The following DNM3 variants were observed in gnomAD, a reference collection of about 807,000 sequenced individuals.
The protein encoded by DNM3 is dynamin-3.
DNM3 carries 47 observed loss-of-function variants against 101.6 expected under a neutral mutation model. The observed-to-expected ratio is 0.46, with a 90% CI of 0.37 to 0.59. DNM3 has a LOEUF of 0.59. Ranked by LOEUF, DNM3 falls within the 20% of genes least tolerant of loss-of-function variation. The pLI, the probability that DNM3 is intolerant of heterozygous loss-of-function variation, is 0.00. For synonymous variants in DNM3, 385 were observed against 387.9 expected (o/e 0.99, Z 0.09); for missense variants, 849 against 1,085.7 (o/e 0.78, Z 3.06).
At chr1:171,987,949 A>C in intron 3 of DNM3, 144 bp downstream of exon 3, 1 of 720,058 alleles carries the variant, frequency 1.4e-6, no homozygotes, top group Non-Finnish European at 2.0e-6. Flanking sequence ...TTATGGTTCA[A>C]AGAGCTCTTA....
chr1:172,070,309 C>T (rs1386073478), intron 11 of DNM3, among the ~76,000 whole-genome samples: 1 of 152,116 alleles, frequency 6.6e-6, no homozygotes, highest in African/African-American at 2.4e-5. Context: ...CAGAGGTTCT[C>T]CCTAATGTCT....
chr1:172,199,638 A>C (rs1010454972), intron 14 of DNM3, among the ~76,000 whole-genome samples: 1 of 151,888 alleles, frequency 6.6e-6, no homozygotes, highest in Non-Finnish European at 1.5e-5. Flanking sequence ...GTTGAATTGA[A>C]TCCTTCACCA....
In DNM3 at chr1:172,410,850, T is replaced by C. The variant is rs1006250673; in HGVS notation, c.*3009T>C. On this transcript the variant is annotated 3_prime_UTR_variant, in exon 21 of 21. Coordinates refer to ENST00000627582, the MANE Select transcript of DNM3 (RefSeq NM_015569.5). ...AATTTTGTGACTTTTTAGTATAGAC[T>C]GTAGCCATAATTCTCAAATATGAAA... is the stretch of plus-strand genomic sequence containing the variant. 2 of 985,218 alleles carry C rather than the reference T, an allele frequency of 2.0e-6. No individual in the cohort carries two copies. Among genetic ancestry groups the C allele is most frequent in the Non-Finnish European group, 2.4e-6 (2 of 829,834 alleles). 61.0% of individuals were successfully genotyped at this position (985,218 alleles called of 1,614,324 possible).
chr1:172,078,066 GTC>G (rs1191711208), intron 11 of DNM3, among the ~76,000 whole-genome samples: 1 of 151,908 alleles, frequency 6.6e-6, no homozygotes, highest in Admixed American at 6.6e-5. Context: ...TACCTTCTTT[GTC>G]TTTTTGGGTC....
chr1:171,957,228 C>T (rs1408408422), intron 2 of DNM3, among the ~76,000 whole-genome samples: 3 of 142,736 alleles, frequency 2.1e-5, no homozygotes, highest in African/African-American at 2.6e-5. Flanking sequence ...GACGGAGTCT[C>T]GCACTGTCAC....
chr1:172,299,122 C>G (rs976318554), intron 15 of DNM3, among the ~76,000 whole-genome samples: 2 of 152,128 alleles, frequency 1.3e-5, no homozygotes, highest in African/African-American at 4.8e-5. Context: ...GGAAAGACAG[C>G]TGCAGGCAGA....
At chr1:171,845,212 A>G (rs1004887708) in intron 1 of DNM3, among the ~76,000 whole-genome samples, 2 of 152,172 alleles carry the variant, frequency 1.3e-5, no homozygotes, top group African/African-American at 4.8e-5. Context: ...TCTGATAAAT[A>G]CTTTTAACTT....
chr1:172,072,084 G>C (rs780709974), intron 11 of DNM3, among the ~76,000 whole-genome samples: 1 of 152,114 alleles, frequency 6.6e-6, no homozygotes, highest in Non-Finnish European at 1.5e-5. Flanking sequence ...CTTTGGCAAT[G>C]TTGAGAATTA....
intron 17 of DNM3, among the ~76,000 whole-genome samples, chr1:172,363,834 A>G (rs899463609): frequency 1.3e-5 from 2 of 151,732 alleles, no homozygotes; most frequent in African/African-American, 4.8e-5. Context: ...TATTTTCCCT[A>G]ACACATCAAA....
chr1:172,412,478 A>G lies in DNM3; in HGVS notation c.*4637A>G, dbSNP rs2071267127. 1 of 985,706 alleles carries G rather than the reference A, an allele frequency of 1.0e-6. No individual in the cohort carries two copies. The highest frequency in any genetic ancestry group is 6.1e-5 in the Admixed American group (1 of 16,262). 61.1% of individuals were successfully genotyped at this position (985,706 alleles called of 1,614,324 possible). A position where few individuals can be genotyped will look rare whatever the true frequency, so the allele number is the denominator to read the frequency against. Reference sequence around the variant, plus strand: ...ATTTTTCTTTTGCTTTGTTTGAAGAAGGAATATACAGAAGTAAAATCTTGT... The same window carrying G: ...ATTTTTCTTTTGCTTTGTTTGAAGAGGGAATATACAGAAGTAAAATCTTGT... On this transcript the variant is annotated 3_prime_UTR_variant, in exon 21 of 21. Transcript: ENST00000627582.
At chr1:172,235,091 A>T (rs906295395) in intron 14 of DNM3, among the ~76,000 whole-genome samples, 2 of 152,186 alleles carry the variant, frequency 1.3e-5, no homozygotes, top group Admixed American at 6.5e-5. Context: ...AAATTTTTGC[A>T]ATCTACTCAT....
chr1:171,933,760 A>C (rs920148599), intron 2 of DNM3, among the ~76,000 whole-genome samples: 1 of 152,184 alleles, frequency 6.6e-6, no homozygotes, highest in African/African-American at 2.4e-5. Flanking sequence ...AGTGGGGGCC[A>C]CTGACTGTAA....
intron 2 of DNM3, among the ~76,000 whole-genome samples, chr1:171,938,223 A>T (rs970747466): frequency 6.6e-6 from 1 of 151,814 alleles, no homozygotes; most frequent in Non-Finnish European, 1.5e-5. Flanking sequence ...GTGTTTCAAG[A>T]CCTTTCACTA....
chr1:172,076,643 G>A (rs776459867), intron 11 of DNM3, among the ~76,000 whole-genome samples: 9 of 152,126 alleles, frequency 5.9e-5, no homozygotes, highest in Non-Finnish European at 8.8e-5. Context: ...TGTTGAACCT[G>A]CCTTGAGTCT....
chr1:172,050,254 C>T (rs2050113635), intron 10 of DNM3, among the ~76,000 whole-genome samples: 1 of 152,156 alleles, frequency 6.6e-6, no homozygotes, highest in African/African-American at 2.4e-5. Flanking sequence ...GATCTCTCTA[C>T]TGACTTTCAA....
At chr1:172,219,385 A>AC (rs2060823978) in intron 14 of DNM3, among the ~76,000 whole-genome samples, 1 of 150,128 alleles carries the variant, frequency 6.7e-6, no homozygotes, top group Admixed American at 6.6e-5. Context: ...CTCAAAAAAA[A>AC]AAAAAAAAAA....
rs550682002 is a variant in DNM3, at chr1:172,331,508, C to T, written c.1893+8168C>T. Among the ~76,000 whole-genome samples, 12 of 152,208 alleles carry T rather than the reference C, an allele frequency of 7.9e-5. No individual in the cohort carries two copies. In the South Asian group the frequency reaches 2.3e-3, roughly 29 times the overall value. The stretch of plus-strand genomic sequence containing the variant: ...AGAATTAGAGTCCCACTAAGAAATG[C>T]TCCCTTTAGGAAAAACAATTATTTC... On this transcript the variant is annotated intron_variant, in intron 17 of 20. Coordinates refer to ENST00000627582, the MANE Select transcript of DNM3 (RefSeq NM_015569.5).
intron 1 of DNM3, among the ~76,000 whole-genome samples, chr1:171,896,077 C>T (rs949594842): frequency 6.6e-6 from 1 of 152,160 alleles, no homozygotes; most frequent in African/African-American, 2.4e-5. Context: ...TAGCGTGATG[C>T]CTCCAACTTT....
chr1:172,362,555 T>C (rs2149012998), intron 17 of DNM3, among the ~76,000 whole-genome samples: 1 of 152,120 alleles, frequency 6.6e-6, no homozygotes, highest in East Asian at 1.9e-4. Flanking sequence ...TTCTAGTGTC[T>C]TTAGTCTTTT....
Sources: allele counts gnomAD v4.1 joint callset (sites outside exome capture counted in the v4.1 genomes callset), GRCh38; gene constraint gnomAD v4.1.1; transcripts MANE v1.5; gene names NCBI Gene and HGNC (gene_info 2026-07-23, HGNC 2026-07-21).